The following PTPN1 variants were observed in gnomAD, a reference collection of about 807,000 sequenced individuals.
PTPN1 encodes the protein tyrosine-protein phosphatase non-receptor type 1.
In PTPN1, 12 loss-of-function variants were observed where a neutral mutation model predicts 59.9. That is an observed-to-expected ratio of 0.20 (90% CI 0.13 to 0.32). The LOEUF is 0.32. PTPN1 is among the 10% of genes least tolerant of loss of function. The pLI is 1.00. For synonymous variants in PTPN1, 178 were observed against 203.6 expected (o/e 0.87, Z 1.07); for missense variants, 356 against 549.2 (o/e 0.65, Z 3.52).
chr20:50,551,684 C>G (rs1014735809), intron 1 of PTPN1, among the ~76,000 whole-genome samples: 2 of 152,150 alleles, frequency 1.3e-5, no homozygotes, highest in Non-Finnish European at 2.9e-5. Flanking sequence ...AGGAGAGATC[C>G]GTAAAGAACC....
chr20:50,574,350 A>G (rs2082825546), intron 4 of PTPN1, 167 bp from the exon 5 acceptor site: 1 of 637,642 alleles, frequency 1.6e-6, no homozygotes, highest in Admixed American at 4.2e-5. Flanking sequence ...TCGTGCCCCC[A>G]CCCCCATCTC....
intron 1 of PTPN1, among the ~76,000 whole-genome samples, chr20:50,525,710 A>G (rs556041248): frequency 7.9e-5 from 12 of 152,290 alleles, no homozygotes; most frequent in African/African-American, 2.9e-4. Flanking sequence ...ATGGATGACA[A>G]AGGAGAATAA....
intron 2 of PTPN1, among the ~76,000 whole-genome samples, chr20:50,563,735 A>G (rs1470201818): frequency 2.6e-5 from 4 of 152,146 alleles, no homozygotes; most frequent in Non-Finnish European, 5.9e-5. Flanking sequence ...AGAAGGTACT[A>G]TTTATAGGTG....
chr20:50,555,383 C>T (rs894776018), intron 1 of PTPN1, among the ~76,000 whole-genome samples: 2 of 152,070 alleles, frequency 1.3e-5, no homozygotes, highest in African/African-American at 2.4e-5. Context: ...GTGGCAGTAG[C>T]GGGGTGGGAG....
intron 4 of PTPN1, among the ~76,000 whole-genome samples, chr20:50,569,710 A>G (rs2082798142): frequency 6.6e-6 from 1 of 151,594 alleles, no homozygotes; most frequent in South Asian, 2.1e-4. Context: ...TCCTGTGTAG[A>G]CTGTCTCTGT....
At chr20:50,562,499 G>A (rs2082757772) in intron 2 of PTPN1, among the ~76,000 whole-genome samples, 1 of 152,192 alleles carries the variant, frequency 6.6e-6, no homozygotes. Flanking sequence ...AGTGGCTTCG[G>A]GCAAGTTGTT....
chr20:50,556,902 A>G (rs1379357465), intron 1 of PTPN1, among the ~76,000 whole-genome samples: 1 of 152,306 alleles, frequency 6.6e-6, no homozygotes, highest in African/African-American at 2.4e-5. Flanking sequence ...CCGATATCGC[A>G]TTATTTCAGA....
intron 1 of PTPN1, among the ~76,000 whole-genome samples, chr20:50,541,059 G>T (rs2082649882): frequency 6.6e-6 from 1 of 152,174 alleles, no homozygotes. Flanking sequence ...TACCACATCA[G>T]AAAACAGTGC....
chr20:50,530,782 C>T (rs2082597551), intron 1 of PTPN1, among the ~76,000 whole-genome samples: 1 of 151,836 alleles, frequency 6.6e-6, no homozygotes, highest in Admixed American at 6.6e-5. Flanking sequence ...CAGCCTTAAC[C>T]TCCTGGGCTC....
At chr20:50,524,945 TA>T in intron 1 of PTPN1, among the ~76,000 whole-genome samples, 1 of 152,294 alleles carries the variant, frequency 6.6e-6, no homozygotes, top group Non-Finnish European at 1.5e-5. Flanking sequence ...AGTACCTTAT[TA>T]AAAAACTCAA....
chr20:50,559,482 C>A (rs1180464155), intron 1 of PTPN1, among the ~76,000 whole-genome samples: 1 of 152,182 alleles, frequency 6.6e-6, no homozygotes, highest in Non-Finnish European at 1.5e-5. Context: ...ACAGAACATT[C>A]TCTTTGTCCG....
intron 1 of PTPN1, among the ~76,000 whole-genome samples, chr20:50,525,105 G>A (rs999579945): frequency 1.6e-4 from 24 of 151,920 alleles, no homozygotes; most frequent in African/African-American, 5.8e-4. Flanking sequence ...TGCTGCCTAG[G>A]CTGGAGTGCA....
intron 1 of PTPN1, among the ~76,000 whole-genome samples, chr20:50,511,816 G>C (rs1005510965): frequency 6.6e-6 from 1 of 152,182 alleles, no homozygotes; most frequent in African/African-American, 2.4e-5. Context: ...TGTTACTTGT[G>C]TAAAGGGAGA....
intron 1 of PTPN1, among the ~76,000 whole-genome samples, chr20:50,515,830 C>T (rs1159247758): frequency 3.3e-5 from 5 of 152,166 alleles, no homozygotes; most frequent in African/African-American, 7.2e-5. Flanking sequence ...ATAGATTAGC[C>T]CACATTAGTA....
At chr20:50,561,053 C>CA (rs2082750011) in intron 1 of PTPN1, among the ~76,000 whole-genome samples, 1 of 152,222 alleles carries the variant, frequency 6.6e-6, no homozygotes, top group Admixed American at 6.5e-5. Flanking sequence ...ACTGCCCACT[C>CA]ACTGTTCCTG....
intron 1 of PTPN1, 37 bp downstream of exon 1, chr20:50,510,627 T>G: frequency 6.5e-7 from 1 of 1,545,866 alleles, no homozygotes. Context: ...GGCCCTTCGC[T>G]TAGGCCGCTT....
intron 4 of PTPN1, among the ~76,000 whole-genome samples, chr20:50,569,101 CCTT>C (rs1034901693): frequency 3.9e-5 from 6 of 152,186 alleles, no homozygotes; most frequent in African/African-American, 1.2e-4. Flanking sequence ...AGCCACCTCT[CCTT>C]CTTGACTTAC....
chr20:50,574,686 C>T (rs753571453), intron 5 of PTPN1, 32 bp downstream of exon 5: 7 of 1,577,404 alleles, frequency 4.4e-6, no homozygotes, highest in East Asian at 4.7e-5. Context: ...GCACTTCAGG[C>T]GGCTACTGGT....
rs6012963 is a variant in PTPN1 at position 50,564,467 on chromosome 20, G to A, written c.155-502G>A. Among the ~76,000 whole-genome samples the A allele has an allele frequency of 4.2e-3, 641 of 152,162 alleles. 2 individuals carry two copies. The highest frequency in any genetic ancestry group is 0.014 in the African/African-American group (600 of 41,512). On this transcript the variant is annotated intron_variant, in intron 2 of 9. Transcript: ENST00000371621. ...AAATTAGGTGAGCATGGTGGCCTGC[G>A]CCTGTAATCCCAGCTACTCGGGAGG...
Sources: allele counts gnomAD v4.1 joint callset (sites outside exome capture counted in the v4.1 genomes callset), GRCh38; gene constraint gnomAD v4.1.1; transcripts MANE v1.5; gene names NCBI Gene and HGNC (gene_info 2026-07-23, HGNC 2026-07-21).